ABCA13: variants seen among roughly 807,000 people sequenced by gnomAD.
The protein encoded by ABCA13 is ATP-binding cassette sub-family A member 13.
A neutral mutation model predicts 478.7 loss-of-function variants in ABCA13; 476 were observed. The observed-to-expected ratio is 0.99, with a 90% CI of 0.92 to 1.07. The LOEUF is 1.07. ABCA13 is among the 50% of genes least tolerant of loss of function. The probability of loss-of-function intolerance (pLI) is 0.00; values close to 1 mark genes in which losing one functional copy is unlikely to be tolerated. For missense variants in ABCA13, 6,060 were observed against 5,910.6 expected (o/e 1.03, Z -0.83); for synonymous variants, 2,252 against 2,158.9 (o/e 1.04, Z -1.20).
At chr7:48,296,756 C>T (rs7778355) in intron 21 of ABCA13, among the ~76,000 whole-genome samples, 70,096 of 151,998 alleles carry the variant, frequency 0.46, 16,950 homozygotes, top group East Asian at 0.79. Context: ...CCACCGCACC[C>T]GGTCGCAAAT....
chr7:48,190,649 A>G (rs1045285355), intron 1 of ABCA13, among the ~76,000 whole-genome samples: 2 of 152,214 alleles, frequency 1.3e-5, no homozygotes, highest in Non-Finnish European at 2.9e-5. Context: ...CCCCAAATAG[A>G]AAAACATGCA....
intron 55 of ABCA13, among the ~76,000 whole-genome samples, chr7:48,529,226 G>A (rs1833066768): frequency 1.3e-5 from 2 of 152,156 alleles, no homozygotes; most frequent in South Asian, 4.1e-4. Flanking sequence ...TGATTTGTGT[G>A]CTATCAAGTT....
Position 48,281,420 on chromosome 7 carries a change from T to C in ABCA13, c.8804T>C (p.Met2935Thr), listed in dbSNP as rs1455153103. The C allele has an allele frequency of 1.2e-6, 2 of 1,606,394 alleles. No homozygotes were observed. Among genetic ancestry groups the C allele is most frequent in the Admixed American group, 1.7e-5 (1 of 58,978 alleles). ...EAMEMLQKVK[M>T]MVVRVLTIVA... Reference sequence around the variant, plus strand: ...ATGGAGATGCTGCAGAAAGTGAAGATGATGGTCGTACGTGTGCTCACCATC... The same window carrying C: ...ATGGAGATGCTGCAGAAAGTGAAGACGATGGTCGTACGTGTGCTCACCATC... The change falls in exon 19 of 62, where the codon ATG (methionine) becomes ACG (threonine). Residue 2935 changes from methionine (M) to threonine (T), a missense_variant. Coordinates refer to ENST00000435803, the MANE Select transcript of ABCA13 (RefSeq NM_152701.5).
intron 56 of ABCA13, among the ~76,000 whole-genome samples, chr7:48,586,648 G>A (rs886555428): frequency 1.2e-4 from 18 of 152,058 alleles, no homozygotes; most frequent in African/African-American, 3.9e-4. Flanking sequence ...CTACTTGGGT[G>A]GGATCATTAG....
intron 43 of ABCA13, among the ~76,000 whole-genome samples, chr7:48,462,449 C>CG (rs368944166): frequency 6.6e-6 from 1 of 151,900 alleles, no homozygotes; most frequent in African/African-American, 2.4e-5. Context: ...GGATTCCCCC[C>CG]CCCCTACTGT....
chr7:48,291,065 G>A (rs1216813172), intron 20 of ABCA13, among the ~76,000 whole-genome samples: 1 of 151,670 alleles, frequency 6.6e-6, no homozygotes, highest in Non-Finnish European at 1.5e-5. Context: ...GCTGGACCTA[G>A]ACATCTCTCT....
chr7:48,529,610 A>G (rs1169381736), intron 55 of ABCA13, among the ~76,000 whole-genome samples: 1 of 152,226 alleles, frequency 6.6e-6, no homozygotes, highest in Non-Finnish European at 1.5e-5. Context: ...GTTTTGTAGC[A>G]ATGAATATGG....
intron 26 of ABCA13, 51 bp downstream of exon 26, chr7:48,314,460 A>G (rs1802250431): frequency 7.0e-6 from 10 of 1,435,426 alleles, no homozygotes; most frequent in Non-Finnish European, 9.4e-6. Context: ...TTGTATCTTG[A>G]TAATTGGCCT....
chr7:48,494,263 T>C (rs2130742627), intron 48 of ABCA13, among the ~76,000 whole-genome samples: 1 of 152,144 alleles, frequency 6.6e-6, no homozygotes, highest in African/African-American at 2.4e-5. Flanking sequence ...TTGCTTTTGA[T>C]GAAATGAGAA....
intron 23 of ABCA13, among the ~76,000 whole-genome samples, chr7:48,308,365 A>G (rs1801224332): frequency 6.6e-6 from 1 of 152,158 alleles, no homozygotes; most frequent in African/African-American, 2.4e-5. Flanking sequence ...TTTTTTAATA[A>G]CTAGAAAGAG....
chr7:48,379,706 C>A (rs1334045533), intron 35 of ABCA13, among the ~76,000 whole-genome samples: 2 of 151,912 alleles, frequency 1.3e-5, no homozygotes, highest in Non-Finnish European at 2.9e-5. Flanking sequence ...AGTACTAGAT[C>A]AGACTTATTG....
intron 59 of ABCA13, among the ~76,000 whole-genome samples, chr7:48,633,951 G>GATAGATAC (rs1563532692): frequency 6.6e-6 from 1 of 151,688 alleles, no homozygotes; most frequent in African/African-American, 2.4e-5. Context: ...TAGATAGATA[G>GATAGATAC]ATAGATAGAT....
At position 48,275,452 on chromosome 7, in the gene ABCA13, C is replaced by T. The variant is rs1204433927; in HGVS notation, c.5786C>T (p.Pro1929Leu). 6.2e-7 allele frequency: 1 copy of T among 1,613,884 alleles called. No individual in the cohort carries two copies. The highest frequency in any genetic ancestry group is 8.5e-7 in the Non-Finnish European group (1 of 1,179,866). The change falls in exon 17 of 62, where the codon CCA (proline) becomes CTA (leucine). Residue 1929 changes from proline (P) to leucine (L), a missense_variant. Pro to Leu is a moderately conservative substitution (Grantham distance 98). Around this residue, in one of 3 missense-constraint regions of ABCA13, gnomAD observed 4,423 missense variants for 4,309.1 expected, o/e 1.03. Coordinates refer to ENST00000435803, the MANE Select transcript of ABCA13 (RefSeq NM_152701.5). ...KFWHKILPFV[P>L]PSINQTRDSI... ...TGGCATAAGATATTACCGTTTGTCC[C>T]ACCTTCAATAAATCAAACTAGGGAT...
chr7:48,348,600 A>G (rs1031527882), intron 29 of ABCA13, among the ~76,000 whole-genome samples: 2 of 152,218 alleles, frequency 1.3e-5, no homozygotes, highest in Non-Finnish European at 2.9e-5. Flanking sequence ...TGGGAATTAC[A>G]GGAGGATTTC....
At chr7:48,358,876 C>A (rs756608561) in intron 31 of ABCA13, among the ~76,000 whole-genome samples, 18 of 152,070 alleles carry the variant, frequency 1.2e-4, no homozygotes, top group Non-Finnish European at 2.2e-4. Flanking sequence ...TCAAAGTCTC[C>A]TTCTTTAGAC....
intron 57 of ABCA13, 92 bp downstream of exon 57, chr7:48,587,380 C>A (rs1007422190): frequency 3.6e-6 from 5 of 1,387,896 alleles, no homozygotes; most frequent in Non-Finnish European, 4.8e-6. Context: ...GAAGTAACTT[C>A]AGAACTTGCA....
rs746929143 is a variant in ABCA13 at position 48,412,388 on chromosome 7, G to A, written c.12264G>A (p.Met4088Ile). 1 of 1,613,080 alleles carries A rather than the reference G, an allele frequency of 6.2e-7. No individual in the cohort carries two copies. The highest frequency in any genetic ancestry group is 2.2e-5 in the East Asian group (1 of 44,798). ...SVLEAHDLKD[M>I]ACVTSLIKIY... ...TGGAGGCCCATGATCTGAAAGACAT[G>A]GCTTGTGTTACATCCCTGATAAAGA... Residue 4088 changes from methionine to isoleucine, a missense_variant, in exon 41 of 62, where the codon ATG (methionine) becomes ATA (isoleucine). Physicochemically the swap from Met to Ile is conservative, Grantham distance 10. Around this residue, in one of 3 missense-constraint regions of ABCA13, gnomAD observed 1,627 missense variants for 1,571.0 expected, o/e 1.04. Coordinates refer to ENST00000435803, the MANE Select transcript of ABCA13 (RefSeq NM_152701.5).
Position 48,373,472 on chromosome 7 carries a change from C to T in ABCA13, c.11134-875C>T, listed in dbSNP as rs146326734. 2.4e-3 allele frequency among the ~76,000 whole-genome samples: 371 copies of T among 152,288 alleles called. 2 individuals carry two copies. Among genetic ancestry groups the T allele is most frequent in the African/African-American group, 8.6e-3 (359 of 41,558 alleles). On this transcript the variant is annotated intron_variant, in intron 33 of 61. Coordinates refer to ENST00000435803, the MANE Select transcript of ABCA13 (RefSeq NM_152701.5). ...CTGGTTTCTACTAGCCATATGCTCA[C>T]AACAAAGATATACATACAGAATGAA...
At chr7:48,404,389 A>G (rs927778887) in intron 39 of ABCA13, 8 of 189,678 alleles carry the variant, frequency 4.2e-5, no homozygotes, top group African/African-American at 1.9e-4. Flanking sequence ...CTAATTTCCA[A>G]CTTCTGATTC....
Sources: allele counts gnomAD v4.1 joint callset (sites outside exome capture counted in the v4.1 genomes callset), GRCh38; gene constraint gnomAD v4.1.1; regional missense constraint gnomAD v4.1.1; transcripts MANE v1.5; gene names NCBI Gene and HGNC (gene_info 2026-07-23, HGNC 2026-07-21).